ACBD6: variants seen among roughly 807,000 people sequenced by gnomAD.
ACBD6 encodes the protein acyl-CoA binding domain containing 6, also known as acyl-CoA-binding domain-containing protein 6.
Under a neutral mutation model 37.2 loss-of-function variants are expected in ACBD6, and 28 were observed. The ratio of observed to expected loss-of-function variants is 0.75; its 90% CI spans 0.56 to 1.03. ACBD6 has a LOEUF of 1.03. Among genes scored for constraint, ACBD6 ranks in the 50% least tolerant of loss-of-function variants. The pLI is 0.00. For missense variants in ACBD6, 340 were observed against 337.4 expected (o/e 1.01, Z -0.06); for synonymous variants, 113 against 126.8 (o/e 0.89, Z 0.73).
intron 3 of ACBD6, among the ~76,000 whole-genome samples, chr1:180,446,023 G>A (rs866582677): frequency 7.9e-5 from 12 of 151,712 alleles, no homozygotes; most frequent in African/African-American, 2.7e-4. Context: ...TTTTGGGGGG[G>A]ATGGGGTCTC....
At chr1:180,341,036 T>G (rs962040410) in intron 6 of ACBD6, among the ~76,000 whole-genome samples, 2 of 152,082 alleles carry the variant, frequency 1.3e-5, no homozygotes, top group African/African-American at 4.8e-5. Context: ...GTGAGCATGG[T>G]TGTGTATTTT....
intron 1 of ACBD6, 61 bp downstream of exon 1, chr1:180,501,984 G>T: frequency 1.3e-6 from 2 of 1,513,872 alleles, no homozygotes; most frequent in Non-Finnish European, 1.8e-6. Context: ...CTTGCTATCA[G>T]TTGTTGAGGA....
intron 7 of ACBD6, among the ~76,000 whole-genome samples, chr1:180,303,534 C>T (rs1357538107): frequency 6.6e-6 from 1 of 150,818 alleles, no homozygotes; most frequent in Non-Finnish European, 1.5e-5. Context: ...TCGACACATA[C>T]ACCCTCCCAA....
chr1:180,412,622 T>C (rs934356524), intron 5 of ACBD6, among the ~76,000 whole-genome samples: 6 of 152,028 alleles, frequency 3.9e-5, no homozygotes, highest in Non-Finnish European at 7.4e-5. Flanking sequence ...TCCCAAAACT[T>C]TGGGAAGCTG....
At chr1:180,478,619 G>C (rs1181580543) in intron 3 of ACBD6, among the ~76,000 whole-genome samples, 2 of 151,814 alleles carry the variant, frequency 1.3e-5, no homozygotes, top group Non-Finnish European at 2.9e-5. Context: ...CTCCCAAGTA[G>C]CTGGGATTAC....
intron 6 of ACBD6, among the ~76,000 whole-genome samples, chr1:180,341,002 G>T (rs186085829): frequency 5.3e-5 from 8 of 152,262 alleles, no homozygotes; most frequent in Admixed American, 5.2e-4. Flanking sequence ...TGTCACTGCT[G>T]AGATTAGTGG....
intron 5 of ACBD6, among the ~76,000 whole-genome samples, chr1:180,411,518 G>A (rs973606980): frequency 3.9e-5 from 6 of 152,180 alleles, no homozygotes; most frequent in Non-Finnish European, 8.8e-5. Context: ...ACCTTTTACC[G>A]CAAGAAGATT....
intron 3 of ACBD6, among the ~76,000 whole-genome samples, chr1:180,477,554 T>C (rs12141848): frequency 0.55 from 83,547 of 151,966 alleles, 23,794 homozygotes; most frequent in South Asian, 0.67. Context: ...CATGTCATAA[T>C]AGAGTTTATC....
chr1:180,393,215 T>C (rs116723425), intron 6 of ACBD6, among the ~76,000 whole-genome samples: 414 of 152,326 alleles, frequency 2.7e-3, no homozygotes, highest in African/African-American at 9.7e-3. Context: ...TCCATAATAC[T>C]GTCAGATAAC....
At chr1:180,497,009 C>T (rs561104453) in intron 1 of ACBD6, among the ~76,000 whole-genome samples, 1 of 152,286 alleles carries the variant, frequency 6.6e-6, no homozygotes, top group South Asian at 2.1e-4. Context: ...GACTCCAAAG[C>T]TCAATATCCC....
At chr1:180,419,650 G>A (rs1218320725) in intron 4 of ACBD6, among the ~76,000 whole-genome samples, 2 of 152,164 alleles carry the variant, frequency 1.3e-5, no homozygotes, top group Admixed American at 6.5e-5. Context: ...AAGGCTTATC[G>A]ATAAACAGTT....
intron 6 of ACBD6, among the ~76,000 whole-genome samples, chr1:180,330,238 C>T (rs568584574): frequency 6.6e-6 from 1 of 151,264 alleles, no homozygotes; most frequent in Admixed American, 6.6e-5. Flanking sequence ...ATTAGGGAGA[C>T]CTTGACTCTA....
chr1:180,471,784 ACACCATAT>A (rs1210040741), intron 3 of ACBD6, among the ~76,000 whole-genome samples: 4 of 152,198 alleles, frequency 2.6e-5, no homozygotes, highest in Non-Finnish European at 4.4e-5. Context: ...GGACACAGCC[ACACCATAT>A]CAAGAAAACT....
In ACBD6 at chr1:180,318,170, C is replaced by CA. The variant is rs201604947; in HGVS notation, c.664-3449_664-3448insT. On this transcript the variant is annotated intron_variant, in intron 6 of 7. Coordinates refer to ENST00000367595, the MANE Select transcript of ACBD6 (RefSeq NM_032360.4). ...GAGTAAGATTCCATCTCCGCCCCCC[C>CA]CCCCCAAAAAAAAAAGAAAGAAAGA... Among the ~76,000 whole-genome samples, 13 of 93,702 alleles carry CA rather than the reference C, an allele frequency of 1.4e-4. 1 individual carries two copies. The highest frequency in any genetic ancestry group is 2.3e-4 in the East Asian group (1 of 4,432). 61.5% of individuals were successfully genotyped at this position (93,702 alleles called of 152,430 possible).
At position 180,502,352 on chromosome 1, in the gene ACBD6, T is replaced by C; in HGVS notation, c.-86A>G. 1 of 1,473,120 alleles carries C rather than the reference T, an allele frequency of 6.8e-7. No individual in the cohort carries two copies. The highest frequency in any genetic ancestry group is 2.4e-5 in the East Asian group (1 of 42,166). 91.3% of individuals were successfully genotyped at this position (1,473,120 alleles called of 1,614,324 possible). A position where few individuals can be genotyped will look rare whatever the true frequency, so the allele number is the denominator to read the frequency against. On this transcript the variant is annotated 5_prime_UTR_variant, in exon 1 of 8. Coordinates refer to ENST00000367595, the MANE Select transcript of ACBD6 (RefSeq NM_032360.4). ...CCGGCTTGGAGGCCTGGCCCACCAG[T>C]CTGGGTCGCGAGCCTGAGCTCCAGT...
intron 3 of ACBD6, among the ~76,000 whole-genome samples, chr1:180,454,338 T>C (rs1459633966): frequency 6.6e-6 from 1 of 152,008 alleles, no homozygotes; most frequent in African/African-American, 2.4e-5. Context: ...AAAACTGAAA[T>C]TGGACCCCTT....
intron 7 of ACBD6, among the ~76,000 whole-genome samples, chr1:180,300,581 G>T (rs761269196): frequency 5.9e-5 from 9 of 151,844 alleles, no homozygotes; most frequent in Admixed American, 2.0e-4. Context: ...TATTTGTAAC[G>T]CCAGAACTTA....
chr1:180,362,488 C>T lies in ACBD6; in HGVS notation c.663+35028G>A, dbSNP rs114114420. The stretch of plus-strand genomic sequence containing the variant: ...TTTGTCATGTAACAATCAGCTATCC[C>T]TATACCTTAAATAAATATGCTTTAA... On this transcript the variant is annotated intron_variant, in intron 6 of 7. Coordinates refer to ENST00000367595, the MANE Select transcript of ACBD6 (RefSeq NM_032360.4). 7.1e-3 allele frequency among the ~76,000 whole-genome samples: 1,080 copies of T among 152,310 alleles called. 9 individuals are homozygous for T. The highest frequency in any genetic ancestry group is 0.024 in the African/African-American group (1,009 of 41,566).
rs186119393 is a variant in ACBD6 at position 180,315,271 on chromosome 1, A to C, written c.664-549T>G. ...CCCAGAAGTTGTTAAGAAAGCCAAA[A>C]GTTGCCATAGAATACTTAGGAAATT... On this transcript the variant is annotated intron_variant, in intron 6 of 7. Transcript: ENST00000367595. Among the ~76,000 whole-genome samples the C allele has an allele frequency of 2.4e-4, 36 of 152,336 alleles. No homozygotes were observed. The East Asian group carries it at 6.4e-3, about 27-fold the overall frequency.
Sources: allele counts gnomAD v4.1 joint callset (sites outside exome capture counted in the v4.1 genomes callset), GRCh38; gene constraint gnomAD v4.1.1; transcripts MANE v1.5; gene names NCBI Gene and HGNC (gene_info 2026-07-23, HGNC 2026-07-21).